MAGI2: variants seen among roughly 807,000 people sequenced by gnomAD.
MAGI2 encodes membrane associated guanylate kinase, WW and PDZ domain containing 2.
In MAGI2, 35 loss-of-function variants were observed where a neutral mutation model predicts 133.3. That is an observed-to-expected ratio of 0.26 (90% CI 0.20 to 0.35). The LOEUF (loss-of-function observed/expected upper bound fraction) is 0.35, where lower values mean the gene tolerates loss of function less well. Among genes scored for constraint, MAGI2 ranks in the 10% least tolerant of loss-of-function variants. The probability of loss-of-function intolerance (pLI) is 1.00; values close to 1 mark genes in which losing one functional copy is unlikely to be tolerated. For synonymous variants in MAGI2, 729 were observed against 710.6 expected (o/e 1.03, Z -0.41); for missense variants, 1,636 against 1,863.4 (o/e 0.88, Z 2.25).
At chr7:79,192,403 G>C (rs1827750371) in intron 1 of MAGI2, among the ~76,000 whole-genome samples, 1 of 151,598 alleles carries the variant, frequency 6.6e-6, no homozygotes, top group Non-Finnish European at 1.5e-5. Context: ...CATTTAGAAT[G>C]GTTAATCAAA....
intron 1 of MAGI2, among the ~76,000 whole-genome samples, chr7:79,322,712 G>T (rs887200449): frequency 6.6e-6 from 1 of 151,662 alleles, no homozygotes; most frequent in Non-Finnish European, 1.5e-5. Flanking sequence ...CTTGAACCCG[G>T]GAGGCAGAGG....
At chr7:78,633,343 C>G (rs1468221518) in intron 2 of MAGI2, among the ~76,000 whole-genome samples, 1 of 152,138 alleles carries the variant, frequency 6.6e-6, no homozygotes, top group East Asian at 1.9e-4. Flanking sequence ...ACAGCAAACC[C>G]TCATGACATG....
intron 2 of MAGI2, among the ~76,000 whole-genome samples, chr7:78,725,455 T>G (rs1820679687): frequency 6.6e-6 from 1 of 152,228 alleles, no homozygotes; most frequent in Non-Finnish European, 1.5e-5. Context: ...ATGCAACTGT[T>G]TACCAAGTAT....
At chr7:78,946,076 G>C (rs1801393607) in intron 2 of MAGI2, among the ~76,000 whole-genome samples, 1 of 152,000 alleles carries the variant, frequency 6.6e-6, no homozygotes, top group Non-Finnish European at 1.5e-5. Flanking sequence ...ATGAAAAAAT[G>C]GTATAATCAT....
At chr7:79,219,545 C>T (rs1382731159) in intron 1 of MAGI2, among the ~76,000 whole-genome samples, 1 of 151,938 alleles carries the variant, frequency 6.6e-6, no homozygotes, top group African/African-American at 2.4e-5. Flanking sequence ...TGATTGATTG[C>T]TTTTGTATTT....
At position 78,017,698 on chromosome 7, in the gene MAGI2, AAAC is replaced by A. The variant is rs1366866150; in HGVS notation, c.*1614_*1616del. 1.3e-5 allele frequency: 2 copies of A among 152,666 alleles called. No homozygotes were observed. The highest frequency in any genetic ancestry group is 4.8e-5 in the African/African-American group (2 of 41,464). 9.5% of individuals were successfully genotyped at this position (152,666 alleles called of 1,614,324 possible). ...CTTTCAGCCTTATTCTCCTCCTGTC[AAAC>A]AACTAAACTACTCCGATGTTTGATG... On this transcript the variant is annotated 3_prime_UTR_variant, in exon 22 of 22. Coordinates refer to ENST00000354212, the MANE Select transcript of MAGI2 (RefSeq NM_012301.4).
intron 2 of MAGI2, among the ~76,000 whole-genome samples, chr7:78,963,116 T>TA (rs577444318): frequency 0.015 from 2,254 of 151,964 alleles, 47 homozygotes; most frequent in African/African-American, 0.052. Flanking sequence ...TCACCTACTT[T>TA]AAAAAAAACA....
intron 2 of MAGI2, among the ~76,000 whole-genome samples, chr7:78,673,301 C>T (rs754663516): frequency 1.3e-5 from 2 of 151,920 alleles, no homozygotes; most frequent in Non-Finnish European, 2.9e-5. Context: ...CAGACACACA[C>T]ACACACAGCA....
At chr7:78,411,381 G>T (rs1267984508) in intron 6 of MAGI2, among the ~76,000 whole-genome samples, 2 of 151,892 alleles carry the variant, frequency 1.3e-5, no homozygotes, top group Non-Finnish European at 2.9e-5. Flanking sequence ...ATTTTCCAGC[G>T]TTAAAAAACA....
chr7:78,129,630 G>A (rs1030120910), intron 18 of MAGI2, among the ~76,000 whole-genome samples: 3 of 152,088 alleles, frequency 2.0e-5, no homozygotes, highest in South Asian at 2.1e-4. Context: ...TGGTGAGAAT[G>A]CACATCTCGT....
chr7:78,682,440 T>A (rs1165510864), intron 2 of MAGI2, among the ~76,000 whole-genome samples: 1 of 152,142 alleles, frequency 6.6e-6, no homozygotes, highest in African/African-American at 2.4e-5. Flanking sequence ...GTTCTCATTG[T>A]TCAACTCCCA....
intron 10 of MAGI2, among the ~76,000 whole-genome samples, chr7:78,230,364 C>A (rs1261712177): frequency 6.6e-6 from 1 of 152,174 alleles, no homozygotes; most frequent in East Asian, 1.9e-4. Flanking sequence ...AATTTCAAAT[C>A]CCTTCCTTTA....
intron 3 of MAGI2, among the ~76,000 whole-genome samples, chr7:78,562,300 T>A (rs1285968848): frequency 6.6e-6 from 1 of 152,238 alleles, no homozygotes; most frequent in Non-Finnish European, 1.5e-5. Flanking sequence ...TTCCTGATGT[T>A]ATGTGTCTTT....
chr7:78,828,390 T>C (rs923719433), intron 2 of MAGI2, among the ~76,000 whole-genome samples: 6 of 152,206 alleles, frequency 3.9e-5, no homozygotes, highest in African/African-American at 1.4e-4. Flanking sequence ...TTTACTTCTA[T>C]GGACCTTTCT....
intron 1 of MAGI2, among the ~76,000 whole-genome samples, chr7:79,122,588 T>C (rs988980507): frequency 7.2e-5 from 11 of 152,152 alleles, no homozygotes; most frequent in African/African-American, 2.7e-4. Flanking sequence ...CTGGAGTTGA[T>C]ACAACTTTGT....
At chr7:79,380,686 T>A (rs1314442641) in intron 1 of MAGI2, among the ~76,000 whole-genome samples, 1 of 151,764 alleles carries the variant, frequency 6.6e-6, no homozygotes, top group Non-Finnish European at 1.5e-5. Flanking sequence ...AAAAATCCAC[T>A]ACAATTTTAT....
chr7:78,278,036 AG>A (rs1238864690), intron 9 of MAGI2, among the ~76,000 whole-genome samples: 1 of 152,314 alleles, frequency 6.6e-6, no homozygotes, highest in East Asian at 1.9e-4. Flanking sequence ...GATTGAGAAA[AG>A]TACCTTTTTA....
At position 79,118,894 on chromosome 7, in the gene MAGI2, T is replaced by A. The variant is rs532373827; in HGVS notation, c.302-111688A>T. ...ACTGGTGGATATCAAAGGAAGACGA[T>A]TTATTCTTCTTCAAAGATTGTTTTA... On this transcript the variant is annotated intron_variant, in intron 1 of 21. Coordinates refer to ENST00000354212, the MANE Select transcript of MAGI2 (RefSeq NM_012301.4). Among the ~76,000 whole-genome samples, 28 of 152,214 alleles carry A rather than the reference T, an allele frequency of 1.8e-4. No individual in the cohort carries two copies. In the South Asian group the frequency reaches 5.4e-3, roughly 29 times the overall value.
chr7:78,290,692 T>A lies in MAGI2; in HGVS notation c.1409-34111A>T, dbSNP rs181940457. On this transcript the variant is annotated intron_variant, in intron 9 of 21. Transcript: ENST00000354212. ...ACTTATTCCAAAATTGACCACACAC[T>A]TGGAAGTAAAGCACTCCTCAGCAAA... Among the ~76,000 whole-genome samples the A allele has an allele frequency of 2.4e-3, 360 of 152,284 alleles. 1 individual carries two copies. Among genetic ancestry groups the A allele is most frequent in the African/African-American group, 8.2e-3 (341 of 41,550 alleles).
Sources: allele counts gnomAD v4.1 joint callset (sites outside exome capture counted in the v4.1 genomes callset), GRCh38; gene constraint gnomAD v4.1.1; transcripts MANE v1.5; gene names NCBI Gene and HGNC (gene_info 2026-07-23, HGNC 2026-07-21).